The following SLC3A2 variants were observed in gnomAD, a reference collection of about 807,000 sequenced individuals.
SLC3A2 encodes amino acid transporter heavy chain SLC3A2.
Under a neutral mutation model 48.5 loss-of-function variants are expected in SLC3A2, and 32 were observed. That is an observed-to-expected ratio of 0.66 (90% CI 0.50 to 0.89). The LOEUF (loss-of-function observed/expected upper bound fraction) is 0.89, where lower values mean the gene tolerates loss of function less well. Among genes scored for constraint, SLC3A2 ranks in the 40% least tolerant of loss-of-function variants. The pLI is 0.00. For synonymous variants in SLC3A2, 277 were observed against 288.8 expected, an observed-to-expected ratio of 0.96 and a Z score of 0.41; for missense variants, 587 against 680.7, an observed-to-expected ratio of 0.86 and a Z score of 1.53.
At chr11:62,880,564 G>A (rs2085619593), upstream of SLC3A2, 1 of 156,130 alleles carries the variant, frequency 6.4e-6, no homozygotes, top group Non-Finnish European at 1.4e-5. Flanking sequence ...GTAGTCACTA[G>A]CCTGCCGGAA....
chr11:62,877,050 TC>T (rs1745918090), upstream of SLC3A2, among the ~76,000 whole-genome samples: 1 of 151,792 alleles, frequency 6.6e-6, no homozygotes, highest in Non-Finnish European at 1.5e-5. Flanking sequence ...GTTTCTTTTT[TC>T]TTCTTCCTTT....
rs34722625 is a variant in SLC3A2 at position 62,882,362 on chromosome 11, T to TG, written c.598+306dup. The TG allele has an allele frequency of 3.7e-3, 1,104 of 294,700 alleles. 1 individual carries two copies. Among genetic ancestry groups the TG allele is most frequent in the Non-Finnish European group, 3.6e-3 (554 of 155,324 alleles). The allele number at this position is 294,700 out of a possible 1,614,324, so 18.3% of individuals were successfully genotyped here. A position where few individuals can be genotyped will look rare whatever the true frequency, so the allele number is the denominator to read the frequency against. On this transcript the variant is annotated intron_variant, in intron 2 of 8. Transcript: ENST00000338663. Reference sequence around the variant, plus strand: ...AAACTTGTAAAACAGTAGGTTTTTTTGGGGGGGGGGAATCCCAAATATTGT... The same window carrying TG: ...AAACTTGTAAAACAGTAGGTTTTTTTGGGGGGGGGGGAATCCCAAATATTGT...
chr11:62,865,561 C>CAAAAAAA, intron 1 of SLC3A2, among the ~76,000 whole-genome samples: 1 of 86,908 alleles, frequency 1.2e-5, no homozygotes, highest in Non-Finnish European at 2.0e-5. Context: ...GTCTCCCCCA[C>CAAAAAAA]AAAAAAAAAA....
intron 1 of SLC3A2, chr11:62,856,431 A>C: frequency 1.3e-6 from 2 of 1,499,604 alleles, no homozygotes; most frequent in Non-Finnish European, 1.8e-6. Context: ...TGGTGGGGCC[A>C]TTTCGGGAAA....
At position 62,888,151 on chromosome 11, in the gene SLC3A2, T is replaced by C; in HGVS notation, c.1160T>C (p.Val387Ala). Residue 387 changes from valine to alanine, a missense_variant, in exon 8 of 9, where the codon GTC (valine) becomes GCC (alanine). By Grantham distance (64) the Val-to-Ala change is moderately conservative. Transcript: ENST00000338663. ...GCTTTTCAGCCTATGGAGGCTCCAGTCATGCTGTGGGATGAGTCCAGCTTC... is the reference window on the plus strand; with the variant it reads ...GCTTTTCAGCCTATGGAGGCTCCAGCCATGCTGTGGGATGAGTCCAGCTTC... The part of the protein sequence containing the change: ...ALPGQPMEAP[V>A]MLWDESSFPD... 1 of 1,613,784 alleles carries C rather than the reference T, an allele frequency of 6.2e-7. No individual in the cohort carries two copies. The highest frequency in any genetic ancestry group is 1.7e-5 in the Admixed American group (1 of 60,010).
chr11:62,859,042 ATCC>A (rs2085369546), intron 1 of SLC3A2, among the ~76,000 whole-genome samples: 2 of 152,116 alleles, frequency 1.3e-5, no homozygotes, highest in South Asian at 2.1e-4. Flanking sequence ...TCTTATACTA[ATCC>A]TCCTCAGCAC....
chr11:62,870,565 A>G (rs1247784555), intron 1 of SLC3A2, among the ~76,000 whole-genome samples: 1 of 151,774 alleles, frequency 6.6e-6, no homozygotes, highest in African/African-American at 2.4e-5. Flanking sequence ...CATTTGGTAA[A>G]TAGTTCATTC....
upstream of SLC3A2, chr11:62,880,838 G>C: frequency 7.6e-7 from 1 of 1,315,916 alleles, no homozygotes; most frequent in Non-Finnish European, 1.0e-6. Context: ...CCACCTTAAG[G>C]GGCGGGCCGG....
chr11:62,887,441 G>T (rs1362787809), intron 7 of SLC3A2, among the ~76,000 whole-genome samples: 1 of 152,154 alleles, frequency 6.6e-6, no homozygotes, highest in East Asian at 1.9e-4. Context: ...CGTGGCTTAT[G>T]CCTGTAATCC....
In SLC3A2 at chr11:62,885,249, G is replaced by A; in HGVS notation, c.891G>A (p.Leu297=). The change falls in exon 6 of 9, where the codon TTG becomes TTA. Residue 297 remains leucine (L), a synonymous_variant. Coordinates refer to ENST00000338663, the MANE Select transcript of SLC3A2 (RefSeq NM_001013251.3). ...GCCTACTCGAATCCAACAAAGACTT[G>A]CTGTTGACTAGCTCATACCTGTCTG... ...ILSLLESNKD[L]LLTSSYLSDS... 1 of 1,614,196 alleles carries A rather than the reference G, an allele frequency of 6.2e-7. No individual in the cohort carries two copies. The highest frequency in any genetic ancestry group is 8.5e-7 in the Non-Finnish European group (1 of 1,180,040).
At chr11:62,864,541 A>G (rs894907552) in intron 1 of SLC3A2, among the ~76,000 whole-genome samples, 10 of 151,958 alleles carry the variant, frequency 6.6e-5, no homozygotes, top group Middle Eastern at 3.4e-3. Flanking sequence ...ATCTCGGCTC[A>G]CTGCAAGCTC....
At chr11:62,875,101 G>A (rs2085557413) in intron 1 of SLC3A2, among the ~76,000 whole-genome samples, 1 of 152,144 alleles carries the variant, frequency 6.6e-6, no homozygotes, top group Non-Finnish European at 1.5e-5. Flanking sequence ...ATTTCTGGCT[G>A]ATTGGTATTT....
Position 62,881,945 on chromosome 11 carries a change from G to T in SLC3A2, c.477G>T (p.Val159=), listed in dbSNP as rs756468277. The change falls in exon 2 of 9, where the codon GTG becomes GTT. Residue 159 remains valine (V), a synonymous_variant. Transcript: ENST00000338663. The surrounding 1 kb of genome is among the most constrained non-coding windows in gnomAD (Gnocchi z 4.0). The part of the protein sequence containing the change: ...YLSSLKVKGL[V]LGPIHKNQKD... ...GCTCTCTGAAGGTGAAGGGCCTTGT[G>T]CTGGGTCCAATTCACAAGAACCAGA... is the stretch of plus-strand genomic sequence containing the variant. 5.6e-6 allele frequency: 9 copies of T among 1,614,160 alleles called. No homozygotes were observed. The highest frequency in any genetic ancestry group is 7.6e-6 in the Non-Finnish European group (9 of 1,180,032).
Position 62,881,239 on chromosome 11 carries a change from A to G in SLC3A2, c.216A>G (p.Ala72=), listed in dbSNP as rs777476026. The change falls in exon 1 of 9, where the codon GCA becomes GCG. Residue 72 remains alanine, a synonymous_variant. Transcript: ENST00000338663. This position sits in a 1 kb window ranked among gnomAD's most constrained non-coding sequence, Gnocchi z 4.0. ...GLSKEELLKV[A]GSPGWVRTRW... Reference sequence around the variant, plus strand: ...CCAAGGAGGAGCTGCTGAAGGTGGCAGGCAGCCCCGGCTGGGTACGCACCC... The same window carrying G: ...CCAAGGAGGAGCTGCTGAAGGTGGCGGGCAGCCCCGGCTGGGTACGCACCC... The G allele has an allele frequency of 5.0e-6, 8 of 1,585,604 alleles. No individual in the cohort carries two copies. The South Asian group carries it at 6.9e-5, about 14-fold the overall frequency.
intron 7 of SLC3A2, among the ~76,000 whole-genome samples, 159 bp downstream of exon 7, chr11:62,885,767 C>T (rs1468896426): frequency 6.6e-6 from 1 of 152,154 alleles, no homozygotes; most frequent in East Asian, 1.9e-4. Context: ...AATTATTTTA[C>T]CTTTCTGAAT....
At chr11:62,870,219 G>T (rs2085496740) in intron 1 of SLC3A2, among the ~76,000 whole-genome samples, 1 of 147,100 alleles carries the variant, frequency 6.8e-6, no homozygotes, top group Admixed American at 6.8e-5. Context: ...GTCTCACTTT[G>T]TTGCCAGCCT....
At chr11:62,862,209 C>G (rs543289322) in intron 1 of SLC3A2, among the ~76,000 whole-genome samples, 6 of 150,822 alleles carry the variant, frequency 4.0e-5, no homozygotes, top group African/African-American at 1.2e-4. Context: ...CCCAGCTACT[C>G]GGGAGGCTGA....
exon 1 of SLC3A2, chr11:62,856,192 A>C: frequency 8.7e-7 from 1 of 1,149,622 alleles, no homozygotes; most frequent in African/African-American, 1.5e-5. Context: ...ACTGACGGTC[A>C]CGACTGCCTA....
chr11:62,862,333 C>CAAA (rs71065311), intron 1 of SLC3A2, among the ~76,000 whole-genome samples: 1,106 of 55,090 alleles, frequency 0.02, 169 homozygotes, highest in African/African-American at 0.072. Flanking sequence ...GACTCTGTCT[C>CAAA]AAAAAAAAAA....
Sources: allele counts gnomAD v4.1 joint callset (sites outside exome capture counted in the v4.1 genomes callset), GRCh38; gene constraint gnomAD v4.1.1; non-coding constraint Gnocchi (gnomAD v3.1); transcripts MANE v1.5; gene names NCBI Gene and HGNC (gene_info 2026-07-23, HGNC 2026-07-21).